Variants in MYO7B observed in about 807,000 individuals in gnomAD.
The protein encoded by MYO7B is unconventional myosin-VIIb.
MYO7B carries 212 observed loss-of-function variants against 259.7 expected under a neutral mutation model. The observed-to-expected ratio is 0.82, with a 90% CI of 0.73 to 0.91. The LOEUF is 0.91. MYO7B is among the 40% of genes least tolerant of loss of function. The pLI, the probability that MYO7B is intolerant of heterozygous loss-of-function variation, is 0.00. For synonymous variants in MYO7B, 1,197 were observed against 1,166.4 expected, an observed-to-expected ratio of 1.03 and a Z score of -0.54; for missense variants, 2,732 against 2,813.5, an observed-to-expected ratio of 0.97 and a Z score of 0.66.
Position 127,607,547 on chromosome 2 carries a change from C to T in MYO7B, c.2643+123C>T. 2 of 794,234 alleles carry T rather than the reference C, an allele frequency of 2.5e-6. No individual in the cohort carries two copies. Among genetic ancestry groups the T allele is most frequent in the Non-Finnish European group, 4.0e-6 (2 of 503,316 alleles). The allele number at this position is 794,234 out of a possible 1,614,324, so 49.2% of individuals were successfully genotyped here. A position where few individuals can be genotyped will look rare whatever the true frequency, so the allele number is the denominator to read the frequency against. Reference sequence around the variant, plus strand: ...AAGCGCTTTGGAAAATCCCCCCGCCCCCGCCACAAGCCAAGACGTTAAAAT... The same window carrying T: ...AAGCGCTTTGGAAAATCCCCCCGCCTCCGCCACAAGCCAAGACGTTAAAAT... On this transcript the variant is annotated intron_variant, in intron 21 of 47. Transcript: ENST00000409816. The surrounding 1 kb of genome is among the most constrained non-coding windows in gnomAD (Gnocchi z 4.4).
intron 12 of MYO7B, 120 bp downstream of exon 12, chr2:127,582,566 C>T: frequency 8.3e-7 from 1 of 1,209,748 alleles, no homozygotes; most frequent in Non-Finnish European, 1.2e-6. Context: ...GCGAGTCCCA[C>T]CAGATCCGTG....
At chr2:127,567,918 G>C (rs968587795) in intron 5 of MYO7B, among the ~76,000 whole-genome samples, 2 of 152,126 alleles carry the variant, frequency 1.3e-5, no homozygotes, top group African/African-American at 4.8e-5. Flanking sequence ...CATTAGATAG[G>C]GGGCAGGCCA....
chr2:127,538,057 T>C lies in MYO7B; in HGVS notation c.-24+2226T>C, dbSNP rs575821484. On this transcript the variant is annotated intron_variant, in intron 1 of 47. Transcript: ENST00000409816. Reference sequence around the variant, plus strand: ...ACACCAGAGGCACAGACCTCCGGCATTGAGTGGTCAGAGGAGGCGGTCCTG... The same window carrying C: ...ACACCAGAGGCACAGACCTCCGGCACTGAGTGGTCAGAGGAGGCGGTCCTG... Among the ~76,000 whole-genome samples the C allele has an allele frequency of 8.5e-5, 13 of 152,084 alleles. No individual in the cohort carries two copies. The South Asian group carries it at 2.3e-3, about 27-fold the overall frequency.
chr2:127,624,288 G>A lies in MYO7B; in HGVS notation c.4015G>A (p.Gly1339Arg), dbSNP rs751748661. The A allele has an allele frequency of 6.3e-7, 1 of 1,585,624 alleles. No homozygotes were observed. Among genetic ancestry groups the A allele is most frequent in the South Asian group, 1.2e-5 (1 of 86,446 alleles). ...TELIYRQVLR[G>R]VWSGEYSFEK... ...GCTTATTTACCGCCAAGTCCTCCGA[G>A]GAGTCTGGTCTGGCGAGTACAGCTT... The change falls in exon 30 of 48, where the codon GGA becomes AGA. Residue 1339 changes from glycine (G) to arginine (R), a missense_variant. Transcript: ENST00000409816.
At position 127,636,028 on chromosome 2, in the gene MYO7B, G is replaced by T; in HGVS notation, c.6006+121G>T. The T allele has an allele frequency of 7.7e-7, 1 of 1,304,698 alleles. No homozygotes were observed. Among genetic ancestry groups the T allele is most frequent in the Non-Finnish European group, 1.1e-6 (1 of 951,758 alleles). 80.8% of individuals were successfully genotyped at this position (1,304,698 alleles called of 1,614,324 possible). On this transcript the variant is annotated intron_variant, in intron 44 of 47. Coordinates refer to ENST00000409816, the MANE Select transcript of MYO7B (RefSeq NM_001393586.1). This position sits in a 1 kb window ranked among gnomAD's most constrained non-coding sequence, Gnocchi z 4.5. ...GGTGCACATGGGTGGTGTGGAGGGT[G>T]GGCTGGCTCTGCACACACCACGCCT...
At chr2:127,567,104 T>C (rs1257822493) in intron 5 of MYO7B, among the ~76,000 whole-genome samples, 1 of 152,076 alleles carries the variant, frequency 6.6e-6, no homozygotes, top group Non-Finnish European at 1.5e-5. Context: ...CTGGGTTCCT[T>C]TAGAAATGGG....
intron 6 of MYO7B, among the ~76,000 whole-genome samples, chr2:127,573,212 C>T (rs1276791824): frequency 6.6e-6 from 1 of 152,196 alleles, no homozygotes; most frequent in Non-Finnish European, 1.5e-5. Context: ...GCCATAAAAT[C>T]AGTCTTCTAG....
In MYO7B at chr2:127,577,683, A is replaced by T. The variant is rs1678928468; in HGVS notation, c.850-450A>T. On this transcript the variant is annotated intron_variant, in intron 8 of 47. Coordinates refer to ENST00000409816, the MANE Select transcript of MYO7B (RefSeq NM_001393586.1). This position sits in a 1 kb window ranked among gnomAD's most constrained non-coding sequence, Gnocchi z 5.2. ...CCAAGAAGCCTTTCTCCACCTCTCG[A>T]TAGGGCTGGCCCCGGCCCCTGTGGT... is the stretch of plus-strand genomic sequence containing the variant. Among the ~76,000 whole-genome samples the T allele has an allele frequency of 6.6e-6, 1 of 152,042 alleles. No individual in the cohort carries two copies. The highest frequency in any genetic ancestry group is 6.5e-5 in the Admixed American group (1 of 15,280).
chr2:127,591,798 C>T (rs1679570343), intron 16 of MYO7B, among the ~76,000 whole-genome samples: 1 of 152,166 alleles, frequency 6.6e-6, no homozygotes, highest in Non-Finnish European at 1.5e-5. Context: ...GGAACCCCTG[C>T]TGAAGCCTGA....
intron 26 of MYO7B, among the ~76,000 whole-genome samples, chr2:127,612,929 C>G (rs1476952995): frequency 6.6e-6 from 1 of 152,138 alleles, no homozygotes; most frequent in Non-Finnish European, 1.5e-5. Context: ...ATACAATTTG[C>G]TTTATAGGAA....
intron 7 of MYO7B, 57 bp downstream of exon 7, chr2:127,574,119 G>A: frequency 6.2e-7 from 1 of 1,603,726 alleles, no homozygotes; most frequent in Non-Finnish European, 8.5e-7. Context: ...GTTTCCAAGA[G>A]GGGCCCCTTT....
chr2:127,548,108 A>G (rs955159984), intron 1 of MYO7B, among the ~76,000 whole-genome samples: 1 of 152,172 alleles, frequency 6.6e-6, no homozygotes, highest in Non-Finnish European at 1.5e-5. Flanking sequence ...GTTGTTCATA[A>G]TATGTCTTTA....
rs1286161351 is a variant in MYO7B at position 127,546,692 on chromosome 2, AG to A, written c.-24+10865del. On this transcript the variant is annotated intron_variant, in intron 1 of 47. Transcript: ENST00000409816. This position sits in a 1 kb window ranked among gnomAD's most constrained non-coding sequence, Gnocchi z 4.2. ...GGACTAAGAAGTCATCCCATTCCCAAGGGGCAGAAAATTTTAAGCACACCAG... is the reference window on the plus strand; with the variant it reads ...GGACTAAGAAGTCATCCCATTCCCAAGGGCAGAAAATTTTAAGCACACCAG... Among the ~76,000 whole-genome samples the A allele has an allele frequency of 6.6e-6, 1 of 152,142 alleles. No homozygotes were observed.
intron 1 of MYO7B, among the ~76,000 whole-genome samples, chr2:127,553,141 A>G (rs961480560): frequency 6.6e-6 from 1 of 152,244 alleles, no homozygotes; most frequent in South Asian, 2.1e-4. Context: ...TCACTGGACA[A>G]GTATTGACTG....
intron 1 of MYO7B, among the ~76,000 whole-genome samples, chr2:127,550,132 G>A (rs181026681): frequency 3.0e-4 from 46 of 152,248 alleles, no homozygotes; most frequent in African/African-American, 1.0e-3. Context: ...CCACATGGCC[G>A]CTTGGGGTCC....
chr2:127,563,637 C>T (rs1384397146), intron 2 of MYO7B, among the ~76,000 whole-genome samples: 3 of 152,200 alleles, frequency 2.0e-5, no homozygotes, highest in Non-Finnish European at 2.9e-5. Flanking sequence ...CCAGGATGGG[C>T]TCCTGCCTTG....
In MYO7B at chr2:127,581,795, G is replaced by A. The variant is rs1011299334; in HGVS notation, c.1081-96G>A. 2.5e-5 allele frequency: 38 copies of A among 1,546,304 alleles called. 1 individual carries two copies. In the Admixed American group the frequency reaches 3.7e-4, roughly 15 times the overall value. On this transcript the variant is annotated intron_variant, in intron 10 of 47. Coordinates refer to ENST00000409816, the MANE Select transcript of MYO7B (RefSeq NM_001393586.1). ...CACCCTCCGGTGGGCATAGGTGCTT[G>A]GTCACGAGAGGGAACAAGACTTGGC...
In MYO7B at chr2:127,614,696, C is replaced by T. The variant is rs1680506242; in HGVS notation, c.3398+2093C>T. On this transcript the variant is annotated intron_variant, in intron 26 of 47. Transcript: ENST00000409816. The surrounding 1 kb of genome is among the most constrained non-coding windows in gnomAD (Gnocchi z 4.6). ...CCCAGTTCTCCTGGGGTCCCCTTCA[C>T]CAACCTCATCACTTACAGGGAGTGG... 6.6e-6 allele frequency among the ~76,000 whole-genome samples: 1 copy of T among 152,146 alleles called. No homozygotes were observed. Among genetic ancestry groups the T allele is most frequent in the Admixed American group, 6.5e-5 (1 of 15,278 alleles).
At chr2:127,634,788 CGT>C (rs1681710883) in intron 42 of MYO7B, 105 bp downstream of exon 42, 3 of 1,124,732 alleles carry the variant, frequency 2.7e-6, no homozygotes, top group Non-Finnish European at 2.6e-6. Context: ...CATTCGTTCC[CGT>C]GTGTCCCTGG....
Sources: allele counts gnomAD v4.1 joint callset (sites outside exome capture counted in the v4.1 genomes callset), GRCh38; gene constraint gnomAD v4.1.1; non-coding constraint Gnocchi (gnomAD v3.1); transcripts MANE v1.5; gene names NCBI Gene and HGNC (gene_info 2026-07-23, HGNC 2026-07-21).